VIT: variants seen among roughly 807,000 people sequenced by gnomAD.
VIT encodes vitrin.
In VIT, 99 loss-of-function variants were observed where a neutral mutation model predicts 78.0. That is an observed-to-expected ratio of 1.27 (90% CI 1.08 to 1.50). The LOEUF (loss-of-function observed/expected upper bound fraction) is 1.50, where lower values mean the gene tolerates loss of function less well. Among genes scored for constraint, VIT ranks in the 40% most tolerant of loss-of-function variants. VIT has a pLI of 0.00. For synonymous variants in VIT, 374 were observed against 334.3 expected (o/e 1.12, Z -1.29); for missense variants, 1,126 against 875.3 (o/e 1.29, Z -3.61).
At chr2:36,812,068 C>G (rs547727963) in intron 15 of VIT, among the ~76,000 whole-genome samples, 1 of 152,214 alleles carries the variant, frequency 6.6e-6, no homozygotes, top group South Asian at 2.1e-4. Context: ...TGTCTAAACC[C>G]AGCTCTGCAG....
intron 3 of VIT, among the ~76,000 whole-genome samples, chr2:36,734,415 AG>A (rs1235561376): frequency 6.6e-6 from 1 of 152,072 alleles, no homozygotes; most frequent in Non-Finnish European, 1.5e-5. Context: ...CCTCCTAGGC[AG>A]GGGGCACTCT....
intron 1 of VIT, among the ~76,000 whole-genome samples, chr2:36,705,250 G>A (rs1212520034): frequency 6.6e-6 from 1 of 151,962 alleles, no homozygotes; most frequent in Non-Finnish European, 1.5e-5. Flanking sequence ...ACTGATCTTC[G>A]TGCCCCTTTC....
intron 3 of VIT, 71 bp downstream of exon 3, chr2:36,729,562 T>A: frequency 6.7e-7 from 1 of 1,501,320 alleles, no homozygotes. Flanking sequence ...TATACTTGTT[T>A]TAGGTAATTT....
chr2:36,714,746 C>T (rs1380536412), intron 1 of VIT, among the ~76,000 whole-genome samples: 1 of 152,196 alleles, frequency 6.6e-6, no homozygotes, highest in East Asian at 1.9e-4. Flanking sequence ...CTATTCACCA[C>T]CTTGGACCAC....
chr2:36,791,682 A>C (rs1234434434), intron 12 of VIT, among the ~76,000 whole-genome samples: 1 of 152,186 alleles, frequency 6.6e-6, no homozygotes, highest in Non-Finnish European at 1.5e-5. Flanking sequence ...CATGAGCAAG[A>C]AGTGCAGGCA....
At chr2:36,717,234 A>G (rs977325804) in intron 2 of VIT, among the ~76,000 whole-genome samples, 4 of 137,330 alleles carry the variant, frequency 2.9e-5, no homozygotes, top group Admixed American at 7.9e-5. Context: ...GCTGGAGTGC[A>G]GTGGCACAAT....
rs2148657714 is a variant in VIT, at chr2:36,797,165, T to A, written c.1059-4136T>A. 2.0e-5 allele frequency among the ~76,000 whole-genome samples: 3 copies of A among 152,128 alleles called. No individual in the cohort carries two copies. The South Asian group carries it at 6.2e-4, about 32-fold the overall frequency. ...GGTCACTAGAGGAAGATCCAGACTT[T>A]AAGGACTCTGAAGCTTATACAGTTT... is the stretch of plus-strand genomic sequence containing the variant. On this transcript the variant is annotated intron_variant, in intron 12 of 15. Coordinates refer to ENST00000379242, the MANE Select transcript of VIT (RefSeq NM_053276.4).
chr2:36,789,139 A>G (rs1371825728), intron 12 of VIT, among the ~76,000 whole-genome samples: 2 of 152,180 alleles, frequency 1.3e-5, no homozygotes, highest in Admixed American at 1.3e-4. Flanking sequence ...AAGCTAATCT[A>G]TCATCTTCGC....
chr2:36,715,344 A>G (rs1490410499), intron 1 of VIT, among the ~76,000 whole-genome samples: 1 of 151,988 alleles, frequency 6.6e-6, no homozygotes, highest in East Asian at 1.9e-4. Context: ...TCAAGACCAC[A>G]TGGCCAAGAT....
intron 1 of VIT, among the ~76,000 whole-genome samples, chr2:36,706,895 T>G (rs772663850): frequency 1.3e-5 from 2 of 151,920 alleles, no homozygotes; most frequent in East Asian, 3.9e-4. Context: ...ATGTGAGGAG[T>G]TGGCAGGGTA....
At chr2:36,725,111 C>T (rs1573156447) in intron 2 of VIT, among the ~76,000 whole-genome samples, 1 of 152,274 alleles carries the variant, frequency 6.6e-6, no homozygotes, top group East Asian at 1.9e-4. Context: ...TTCATTCTGC[C>T]TGGCTAGACT....
chr2:36,780,533 T>C (rs1003774621), intron 9 of VIT, among the ~76,000 whole-genome samples: 1 of 152,160 alleles, frequency 6.6e-6, no homozygotes, highest in Non-Finnish European at 1.5e-5. Context: ...TTATATTACT[T>C]ACAAAGAAAT....
intron 12 of VIT, among the ~76,000 whole-genome samples, chr2:36,795,064 A>G (rs1269549162): frequency 2.6e-5 from 4 of 152,144 alleles, no homozygotes; most frequent in Admixed American, 1.3e-4. Context: ...TTATTTCACA[A>G]TTACCTATTT....
chr2:36,805,740 T>A (rs1232125109), intron 14 of VIT, 76 bp downstream of exon 14: 1 of 1,468,644 alleles, frequency 6.8e-7, no homozygotes, highest in Non-Finnish European at 9.3e-7. Flanking sequence ...GTTGCAGTGG[T>A]TTTCCCATGC....
chr2:36,743,731 C>T (rs1667973124), intron 4 of VIT, among the ~76,000 whole-genome samples: 1 of 152,188 alleles, frequency 6.6e-6, no homozygotes, highest in Non-Finnish European at 1.5e-5. Context: ...TGGCCCCAGC[C>T]TCTCCCTCTG....
chr2:36,719,947 C>A (rs1666391825), intron 2 of VIT, among the ~76,000 whole-genome samples: 1 of 151,862 alleles, frequency 6.6e-6, no homozygotes, highest in African/African-American at 2.4e-5. Context: ...GACTCACACA[C>A]ACACACAAAA....
chr2:36,809,911 AGCCCT>A (rs1020166688), intron 15 of VIT, among the ~76,000 whole-genome samples: 1 of 148,368 alleles, frequency 6.7e-6, no homozygotes, highest in African/African-American at 2.5e-5. Context: ...GGATTACTTG[AGCCCT>A]GGAGTTGGAG....
chr2:36,767,747 A>G (rs1380795521), intron 7 of VIT, among the ~76,000 whole-genome samples: 1 of 152,178 alleles, frequency 6.6e-6, no homozygotes, highest in Non-Finnish European at 1.5e-5. Flanking sequence ...TGCTCAAATC[A>G]TGTTGAAGGT....
chr2:36,736,843 G>C (rs1468641420), intron 3 of VIT, among the ~76,000 whole-genome samples: 1 of 152,176 alleles, frequency 6.6e-6, no homozygotes, highest in Non-Finnish European at 1.5e-5. Flanking sequence ...TCCATAGTAA[G>C]TCACAAATGC....
Sources: allele counts gnomAD v4.1 joint callset (sites outside exome capture counted in the v4.1 genomes callset), GRCh38; gene constraint gnomAD v4.1.1; transcripts MANE v1.5; gene names NCBI Gene and HGNC (gene_info 2026-07-23, HGNC 2026-07-21).